The following RHOT1 variants were observed in gnomAD, a reference collection of about 807,000 sequenced individuals.
RHOT1 encodes the protein mitochondrial Rho GTPase 1.
A neutral mutation model predicts 95.3 loss-of-function variants in RHOT1; 27 were observed. That is an observed-to-expected ratio of 0.28 (90% CI 0.21 to 0.39). RHOT1 has a LOEUF of 0.39. Ranked by LOEUF, RHOT1 falls within the 10% of genes least tolerant of loss-of-function variation. The pLI is 1.00. For synonymous variants in RHOT1, 227 were observed against 263.5 expected (o/e 0.86, Z 1.34); for missense variants, 578 against 786.7 (o/e 0.73, Z 3.17).
At chr17:32,168,428 C>G (rs2142504072) in intron 1 of RHOT1, among the ~76,000 whole-genome samples, 1 of 152,134 alleles carries the variant, frequency 6.6e-6, no homozygotes, top group Admixed American at 6.6e-5. Context: ...TGCCACCACA[C>G]CTGGCTAATT....
chr17:32,146,703 C>T (rs1012487266), intron 1 of RHOT1, among the ~76,000 whole-genome samples: 9 of 149,430 alleles, frequency 6.0e-5, no homozygotes, highest in African/African-American at 2.2e-4. Context: ...CATGATCTGC[C>T]TTCCTCGGCC....
intron 1 of RHOT1, among the ~76,000 whole-genome samples, chr17:32,149,102 A>C (rs1033248581): frequency 7.2e-5 from 11 of 152,186 alleles, no homozygotes; most frequent in Non-Finnish European, 1.3e-4. Flanking sequence ...TTTCTCAGGC[A>C]AAATAGAAGA....
intron 19 of RHOT1, among the ~76,000 whole-genome samples, chr17:32,218,642 C>T (rs979775609): frequency 6.6e-6 from 1 of 151,748 alleles, no homozygotes; most frequent in African/African-American, 2.4e-5. Context: ...ATTAAGACCC[C>T]CATCTCTACA....
intron 6 of RHOT1, among the ~76,000 whole-genome samples, chr17:32,178,349 TC>T (rs2035208048): frequency 6.6e-6 from 1 of 151,820 alleles, no homozygotes; most frequent in African/African-American, 2.4e-5. Context: ...GTGCCACCAC[TC>T]CTGACTGGTT....
intron 6 of RHOT1, chr17:32,179,521 G>A (rs1455904137): frequency 1.2e-4 from 15 of 126,424 alleles, no homozygotes; most frequent in East Asian, 5.4e-4. Context: ...CTGCCCGGCC[G>A]CCCCGTCTGG....
At position 32,203,874 on chromosome 17, in the gene RHOT1, T is replaced by C; in HGVS notation, c.1333-16T>C. The C allele has an allele frequency of 6.3e-7, 1 of 1,594,704 alleles. No individual in the cohort carries two copies. Among genetic ancestry groups the C allele is most frequent in the South Asian group, 1.1e-5 (1 of 90,460 alleles). ...CTAGTTACTGCAGATATTGAGATTTTCGGTTCTGTTTTCAGAGGCAGAAGA... is the reference window on the plus strand; with the variant it reads ...CTAGTTACTGCAGATATTGAGATTTCCGGTTCTGTTTTCAGAGGCAGAAGA... On this transcript the variant is annotated splice_polypyrimidine_tract_variant and intron_variant, in intron 15 of 19. Coordinates refer to ENST00000545287, the MANE Select transcript of RHOT1 (RefSeq NM_001033566.3).
chr17:32,149,619 A>ATGTGTGTGTGTG (rs1422165602), intron 1 of RHOT1, among the ~76,000 whole-genome samples: 7 of 88,916 alleles, frequency 7.9e-5, no homozygotes, highest in African/African-American at 3.4e-4. Context: ...ATATATATAT[A>ATGTGTGTGTGTG]TATATATATA....
chr17:32,223,731 A>C (rs1487892754), intron 19 of RHOT1, among the ~76,000 whole-genome samples: 1 of 152,124 alleles, frequency 6.6e-6, no homozygotes, highest in African/African-American at 2.4e-5. Flanking sequence ...TAAGTTTTCT[A>C]CATCATCTCA....
chr17:32,220,175 A>G (rs745783699), intron 19 of RHOT1, among the ~76,000 whole-genome samples: 2 of 151,776 alleles, frequency 1.3e-5, no homozygotes, highest in Non-Finnish European at 2.9e-5. Flanking sequence ...TGGCCTGTGC[A>G]ACATAGCAAG....
At chr17:32,181,912 C>T in intron 6 of RHOT1, among the ~76,000 whole-genome samples, 1 of 152,310 alleles carries the variant, frequency 6.6e-6, no homozygotes, top group South Asian at 2.1e-4. Context: ...GCCATTCTGG[C>T]ATTTTCCTGT....
rs529278475 is a variant in RHOT1, at chr17:32,210,411, G to C, written c.1740-705G>C. Among the ~76,000 whole-genome samples, 29 of 152,146 alleles carry C rather than the reference G, an allele frequency of 1.9e-4. 1 individual carries two copies. The highest frequency in any genetic ancestry group is 4.1e-4 in the Non-Finnish European group (28 of 68,028). On this transcript the variant is annotated intron_variant, in intron 18 of 19. Transcript: ENST00000545287. ...GAAAGCCTCCCTAAATTTCATATCT[G>C]ATTTCAATTGGATCCATTGTTGATT...
At chr17:32,143,836 T>C (rs2030846897) in intron 1 of RHOT1, among the ~76,000 whole-genome samples, 1 of 152,264 alleles carries the variant, frequency 6.6e-6, no homozygotes, top group African/African-American at 2.4e-5. Flanking sequence ...TCATTCTTGG[T>C]AACCCCTCAG....
chr17:32,184,131 C>T (rs1056682936), intron 8 of RHOT1, among the ~76,000 whole-genome samples: 8 of 152,146 alleles, frequency 5.3e-5, no homozygotes, highest in East Asian at 3.8e-4. Context: ...TGTACTATTC[C>T]GTGGTTTTTA....
intron 18 of RHOT1, chr17:32,209,606 A>G: frequency 1.9e-6 from 1 of 519,806 alleles, no homozygotes; most frequent in Admixed American, 3.3e-5. Flanking sequence ...TGTCTTCCTT[A>G]CTACATAAAT....
At chr17:32,177,754 C>CAA (rs765273097) in intron 6 of RHOT1, among the ~76,000 whole-genome samples, 20,881 of 86,588 alleles carry the variant, frequency 0.24, 1,850 homozygotes, top group South Asian at 0.31. Flanking sequence ...GACTCCGTCT[C>CAA]AAAAAAAAAA....
intron 6 of RHOT1, among the ~76,000 whole-genome samples, chr17:32,178,147 G>C (rs1376723511): frequency 6.6e-6 from 1 of 151,822 alleles, no homozygotes; most frequent in Non-Finnish European, 1.5e-5. Flanking sequence ...CGACCACCCA[G>C]CTAGGCCACT....
rs2030509054 is a variant in RHOT1 at position 32,142,622 on chromosome 17, G to A, written c.-71G>A. Reference sequence around the variant, plus strand: ...AAGAGGCTGGCAGGTGGCGCCGTGGGGTGGGTGCTCCTGGTGAGAGGAGTC... The same window carrying A: ...AAGAGGCTGGCAGGTGGCGCCGTGGAGTGGGTGCTCCTGGTGAGAGGAGTC... On this transcript the variant is annotated 5_prime_UTR_variant, in exon 1 of 20. Transcript: ENST00000545287. The A allele has an allele frequency of 6.0e-6, 8 of 1,339,962 alleles. No homozygotes were observed. The highest frequency in any genetic ancestry group is 1.5e-5 in the African/African-American group (1 of 64,534). 83.0% of individuals were successfully genotyped at this position (1,339,962 alleles called of 1,614,324 possible).
At chr17:32,146,928 TAGAG>T (rs1242411785) in intron 1 of RHOT1, among the ~76,000 whole-genome samples, 1 of 130,416 alleles carries the variant, frequency 7.7e-6, no homozygotes, top group Non-Finnish European at 1.6e-5. Flanking sequence ...TTTTTTTTAG[TAGAG>T]AGGGTTTCAC....
At chr17:32,146,899 ATTTTT>A (rs71144808) in intron 1 of RHOT1, among the ~76,000 whole-genome samples, 1 of 98,022 alleles carries the variant, frequency 1.0e-5, no homozygotes, top group African/African-American at 4.4e-5. Flanking sequence ...ATTTTTGTAA[ATTTTT>A]TTTTTTTTTT....
Sources: gnomAD v4.1 joint callset for allele counts (sites outside exome capture counted in the v4.1 genomes callset) on GRCh38, gnomAD v4.1.1 for gene constraint, MANE v1.5 for transcripts, NCBI Gene and HGNC (gene_info 2026-07-23, HGNC 2026-07-21) for gene names.